ATR: variants seen among roughly 807,000 people sequenced by gnomAD.
ATR encodes serine/threonine-protein kinase ATR.
ATR carries 142 observed loss-of-function variants against 305.3 expected under a neutral mutation model. That is an observed-to-expected ratio of 0.47 (90% CI 0.41 to 0.53). ATR has a LOEUF of 0.53. ATR is among the 20% of genes least tolerant of loss of function. The probability of loss-of-function intolerance (pLI) is 0.00; values close to 1 mark genes in which losing one functional copy is unlikely to be tolerated. For missense variants in ATR, 2,135 were observed against 3,133.1 expected, an observed-to-expected ratio of 0.68 and a Z score of 7.60; for synonymous variants, 1,050 against 1,068.1, an observed-to-expected ratio of 0.98 and a Z score of 0.33.
chr3:142,451,735 G>C, intron 46 of ATR: 1 of 1,162,034 alleles, frequency 8.6e-7, no homozygotes, highest in Non-Finnish European at 1.1e-6. Context: ...GTGTGCCACT[G>C]AGCCCAGCTA....
At chr3:142,473,668 C>A (rs754351879) in intron 36 of ATR, among the ~76,000 whole-genome samples, 3 of 151,864 alleles carry the variant, frequency 2.0e-5, no homozygotes, top group African/African-American at 7.3e-5. Context: ...GCCTCAACCT[C>A]CTGAGTAGCT....
chr3:142,514,151 T>C (rs534330523), intron 25 of ATR, among the ~76,000 whole-genome samples: 1 of 151,576 alleles, frequency 6.6e-6, no homozygotes, highest in African/African-American at 2.4e-5. Flanking sequence ...CGGGTGCCTG[T>C]AGTTCCAGAT....
At chr3:142,449,827 C>G (rs1041441202) in intron 46 of ATR, 21 of 558,406 alleles carry the variant, frequency 3.8e-5, no homozygotes, top group Non-Finnish European at 6.7e-5. Context: ...GGACATGTTT[C>G]TGGACTACGT....
In ATR at chr3:142,449,541, C is replaced by CT. The variant is rs2070733062; in HGVS notation, c.7822dup (p.Arg2608LysfsTer10). 1.2e-6 allele frequency: 2 copies of CT among 1,614,098 alleles called. No homozygotes were observed. ...AATAGATAACGGCAGTCCTGTCACTCTATTTCGAGTCTTGATTACACCTTG... is the reference window on the plus strand; with the variant it reads ...AATAGATAACGGCAGTCCTGTCACTCTTATTTCGAGTCTTGATTACACCTTG... On this transcript the variant is annotated frameshift_variant, in exon 47 of 47. Coordinates refer to ENST00000350721, the MANE Select transcript of ATR (RefSeq NM_001184.4). LOFTEE classifies it high-confidence loss of function.
chr3:142,507,176 G>C (rs1330764602), intron 28 of ATR, among the ~76,000 whole-genome samples: 1 of 152,146 alleles, frequency 6.6e-6, no homozygotes, highest in Admixed American at 6.5e-5. Context: ...ATCACACTTT[G>C]CTTTTTGATT....
At chr3:142,472,807 T>G (rs375201251) in intron 36 of ATR, among the ~76,000 whole-genome samples, 7 of 152,044 alleles carry the variant, frequency 4.6e-5, no homozygotes, top group African/African-American at 1.7e-4. Flanking sequence ...CCGAATAATT[T>G]TTGTATTTTT....
In ATR at chr3:142,552,585, A is replaced by G. The variant is rs1577682509; in HGVS notation, c.2805+642T>C. Among the ~76,000 whole-genome samples the G allele has an allele frequency of 2.0e-5, 3 of 150,396 alleles. 1 individual carries two copies. In the East Asian group the frequency reaches 5.9e-4, roughly 29 times the overall value. On this transcript the variant is annotated intron_variant, in intron 13 of 46. Coordinates refer to ENST00000350721, the MANE Select transcript of ATR (RefSeq NM_001184.4). The stretch of plus-strand genomic sequence containing the variant: ...CTTGGGAGGCTGAGGCAGGAGAATC[A>G]CGTGAACCTGGGAGGTGAAGGTTGC...
intron 41 of ATR, among the ~76,000 whole-genome samples, chr3:142,463,459 C>T (rs1344751945): frequency 1.3e-5 from 2 of 152,086 alleles, no homozygotes; most frequent in Non-Finnish European, 2.9e-5. Context: ...TGCAGTGGCA[C>T]GATCTGGGCT....
chr3:142,548,890 T>G (rs1159870780), intron 15 of ATR, among the ~76,000 whole-genome samples: 3 of 152,188 alleles, frequency 2.0e-5, no homozygotes, highest in Non-Finnish European at 4.4e-5. Flanking sequence ...TGGAAAGAGA[T>G]GTGCTGCTGG....
chr3:142,578,001 C>T (rs922924177), intron 1 of ATR, among the ~76,000 whole-genome samples: 7 of 152,162 alleles, frequency 4.6e-5, no homozygotes, highest in Admixed American at 2.6e-4. Flanking sequence ...ACTCTGTGCA[C>T]GCTGAGATTT....
At chr3:142,469,218 A>T (rs1577511853) in intron 38 of ATR, 119 bp downstream of exon 38, 1 of 689,872 alleles carries the variant, frequency 1.4e-6, no homozygotes, top group East Asian at 2.8e-5. Context: ...ATTTAAAATT[A>T]CTAATCTAAT....
At chr3:142,538,921 A>C (rs2033955572) in intron 18 of ATR, among the ~76,000 whole-genome samples, 1 of 152,162 alleles carries the variant, frequency 6.6e-6, no homozygotes, top group Non-Finnish European at 1.5e-5. Context: ...AAATTAATAA[A>C]AATAGATATC....
At chr3:142,493,054 A>G (rs2031382861) in intron 35 of ATR, 78 bp downstream of exon 35, 3 of 1,494,022 alleles carry the variant, frequency 2.0e-6, no homozygotes, top group South Asian at 2.5e-5. Flanking sequence ...ATTTTTATAC[A>G]TGTGCTTTGC....
chr3:142,537,611 T>G (rs2033904751), intron 19 of ATR, among the ~76,000 whole-genome samples: 1 of 152,180 alleles, frequency 6.6e-6, no homozygotes, highest in South Asian at 2.1e-4. Flanking sequence ...GATTTCTCCC[T>G]CATTAGACAG....
At chr3:142,551,984 A>T (rs1329728008) in intron 13 of ATR, among the ~76,000 whole-genome samples, 1 of 152,198 alleles carries the variant, frequency 6.6e-6, no homozygotes, top group Non-Finnish European at 1.5e-5. Flanking sequence ...AGAAAAAAAC[A>T]AAAGTGGGCA....
intron 13 of ATR, 25 bp downstream of exon 13, chr3:142,553,202 A>G (rs767425319): frequency 1.9e-6 from 3 of 1,611,430 alleles, no homozygotes; most frequent in Non-Finnish European, 1.7e-6. Context: ...TGTTGCCTAT[A>G]GTCCAGACAA....
At chr3:142,525,156 A>C (rs1400342101) in intron 21 of ATR, among the ~76,000 whole-genome samples, 1 of 152,232 alleles carries the variant, frequency 6.6e-6, no homozygotes, top group East Asian at 1.9e-4. Context: ...ATCAGTTAAA[A>C]GTAAAACTCA....
At chr3:142,499,104 C>T in intron 31 of ATR, 1 of 378,774 alleles carries the variant, frequency 2.6e-6, no homozygotes, top group Admixed American at 3.8e-5. Context: ...TGGTCTAGAG[C>T]TCTTGGCTTC....
intron 36 of ATR, among the ~76,000 whole-genome samples, chr3:142,480,144 T>C (rs1026169114): frequency 2.0e-5 from 3 of 152,244 alleles, no homozygotes; most frequent in African/African-American, 7.2e-5. Context: ...CTGCGTTCCT[T>C]TGGAGGAGGA....
Sources: allele counts gnomAD v4.1 joint callset (sites outside exome capture counted in the v4.1 genomes callset), GRCh38; gene constraint gnomAD v4.1.1; transcripts MANE v1.5; gene names NCBI Gene and HGNC (gene_info 2026-07-23, HGNC 2026-07-21).